Variants in TUT7 observed in about 807,000 individuals in gnomAD.
TUT7 encodes the protein terminal uridylyltransferase 7.
A neutral mutation model predicts 165.9 loss-of-function variants in TUT7; 33 were observed. The ratio of observed to expected loss-of-function variants is 0.20; its 90% confidence interval spans 0.15 to 0.27. The LOEUF (loss-of-function observed/expected upper bound fraction) is 0.27, where lower values mean the gene tolerates loss of function less well. TUT7 is among the 10% of genes least tolerant of loss of function. TUT7 has a pLI of 1.00. For missense variants in TUT7, 1,338 were observed against 1,762.3 expected (o/e 0.76, Z 4.31); for synonymous variants, 552 against 608.1 (o/e 0.91, Z 1.36).
At chr9:86,339,945 A>G in intron 8 of TUT7, 91 bp downstream of exon 8, 1 of 974,534 alleles carries the variant, frequency 1.0e-6, no homozygotes, top group Non-Finnish European at 1.6e-6. Flanking sequence ...AAAAGCTTAT[A>G]ATTCTAGAAA....
chr9:86,350,810 T>G (rs142114126), intron 2 of TUT7, among the ~76,000 whole-genome samples: 66 of 152,332 alleles, frequency 4.3e-4, no homozygotes, highest in African/African-American at 1.5e-3. Flanking sequence ...CTACTTGATA[T>G]TAATATATAC....
At chr9:86,325,540 A>T in intron 11 of TUT7, 26 bp from the exon 12 acceptor site, 1 of 1,580,640 alleles carries the variant, frequency 6.3e-7, no homozygotes, top group Non-Finnish European at 8.6e-7. Flanking sequence ...AGAAACATAC[A>T]GGTTATTTCA....
intron 18 of TUT7, 85 bp from the exon 19 acceptor site, chr9:86,310,102 G>A: frequency 8.7e-7 from 1 of 1,149,766 alleles, no homozygotes; most frequent in Non-Finnish European, 1.2e-6. Flanking sequence ...TTTAAATAAT[G>A]GAGATGGGAT....
chr9:86,309,083 A>G, intron 21 of TUT7, 129 bp downstream of exon 21: 1 of 604,238 alleles, frequency 1.7e-6, no homozygotes, highest in Non-Finnish European at 2.9e-6. Context: ...ATCTGAAAAC[A>G]CTATTTTTTT....
rs551497094 is a variant in TUT7, at chr9:86,320,843, T to G, written c.3029-1173A>C. The stretch of plus-strand genomic sequence containing the variant: ...GACTCTTCAGAAAATATCTTTCTTC[T>G]GGAAAAAAATGTCGCTCCCTTACCC... On this transcript the variant is annotated intron_variant, in intron 14 of 26. Transcript: ENST00000375963. Among the ~76,000 whole-genome samples the G allele has an allele frequency of 2.6e-5, 4 of 152,274 alleles. No individual in the cohort carries two copies. In the South Asian group the frequency reaches 8.3e-4, roughly 32 times the overall value.
At chr9:86,309,172 G>T in intron 21 of TUT7, 40 bp downstream of exon 21, 1 of 1,321,190 alleles carries the variant, frequency 7.6e-7, no homozygotes, top group Non-Finnish European at 1.1e-6. Flanking sequence ...CTAATTTTTA[G>T]TCAAGGATAT....
At chr9:86,296,328 TA>T (rs1826315786) in intron 26 of TUT7, among the ~76,000 whole-genome samples, 1 of 152,250 alleles carries the variant, frequency 6.6e-6, no homozygotes, top group Non-Finnish European at 1.5e-5. Flanking sequence ...TGTCTCACTC[TA>T]AAACTCATGT....
chr9:86,315,970 T>G (rs1330016362), intron 17 of TUT7, among the ~76,000 whole-genome samples: 1 of 152,166 alleles, frequency 6.6e-6, no homozygotes, highest in African/African-American at 2.4e-5. Context: ...GGTGTATATA[T>G]GTGTGTGTCT....
chr9:86,344,475 A>G (rs1831582422), intron 5 of TUT7, among the ~76,000 whole-genome samples: 1 of 152,200 alleles, frequency 6.6e-6, no homozygotes, highest in South Asian at 2.1e-4. Context: ...GAAGACAGAC[A>G]TAACTTGGAA....
intron 19 of TUT7, 21 bp from the exon 20 acceptor site, chr9:86,309,597 G>C (rs1827837131): frequency 1.3e-6 from 2 of 1,570,966 alleles, no homozygotes; most frequent in Non-Finnish European, 1.7e-6. Context: ...GGAAAACCAA[G>C]AACAAAGGAA....
chr9:86,319,652 A>C lies in TUT7; in HGVS notation c.3047T>G (p.Ile1016Ser). ...IQCYKDFSPT[I>S]IEDQAREHIR... ...ATGTTCACGAGCCTGATCTTCTATA[A>C]TTGTTGGAGAAAAATCCTCTGTTTA... Residue 1016 changes from isoleucine to serine, a missense_variant, in exon 15 of 27, where the codon ATT becomes AGT. Ile to Ser is a moderately radical substitution (Grantham distance 142). This residue lies in a region of TUT7 where 425 missense variants were observed against 474.9 expected (regional missense o/e 0.89). Transcript: ENST00000375963. 1 of 1,607,660 alleles carries C rather than the reference A, an allele frequency of 6.2e-7. No homozygotes were observed. The highest frequency in any genetic ancestry group is 1.1e-5 in the South Asian group (1 of 89,058).
intron 9 of TUT7, 144 bp from the exon 10 acceptor site, chr9:86,337,682 T>C: frequency 1.0e-6 from 1 of 989,536 alleles, no homozygotes; most frequent in Non-Finnish European, 1.5e-6. Context: ...TTACAAAATA[T>C]ACAACTTCCT....
At chr9:86,322,832 TAA>T in intron 13 of TUT7, 39 bp downstream of exon 13, 1 of 1,527,498 alleles carries the variant, frequency 6.5e-7, no homozygotes, top group Non-Finnish European at 8.7e-7. Context: ...TCAAAGTCCT[TAA>T]AGTCTCCTAG....
intron 5 of TUT7, among the ~76,000 whole-genome samples, chr9:86,343,592 T>C (rs1670633856): frequency 6.6e-6 from 1 of 152,208 alleles, no homozygotes; most frequent in Admixed American, 6.5e-5. Context: ...TCTTTTCACC[T>C]TTTAGAATGC....
chr9:86,288,680 T>G lies in TUT7; in HGVS notation c.4485A>C (p.Ser1495=), dbSNP rs775817053. The G allele has an allele frequency of 1.2e-6, 2 of 1,613,720 alleles. No homozygotes were observed. The highest frequency in any genetic ancestry group is 1.7e-6 in the Non-Finnish European group (2 of 1,179,704). Residue 1495 remains serine (S), a synonymous_variant, in exon 27 of 27, where the codon TCA becomes TCC. Transcript: ENST00000375963. ...KASAKRTQQE[S] ...AGAGTGCTGCATTTTCCTTCCCTCA[T>G]GATTCCTGCTGGGTCCTCTTCGCTG...
intron 10 of TUT7, among the ~76,000 whole-genome samples, chr9:86,332,076 C>T (rs765005506): frequency 2.8e-4 from 42 of 152,082 alleles, no homozygotes; most frequent in Non-Finnish European, 3.7e-4. Context: ...AGTCAGAATA[C>T]TATTAAAAAG....
rs1825657642 is a variant in TUT7 at position 86,287,967 on chromosome 9, C to G, written c.*710G>C. The G allele has an allele frequency of 6.6e-6, 1 of 152,160 alleles. No individual in the cohort carries two copies. Among genetic ancestry groups the G allele is most frequent in the Non-Finnish European group, 1.5e-5 (1 of 68,022 alleles). The allele number at this position is 152,160 out of a possible 1,614,324, so 9.4% of individuals were successfully genotyped here. A position where few individuals can be genotyped will look rare whatever the true frequency, so the allele number is the denominator to read the frequency against. On this transcript the variant is annotated 3_prime_UTR_variant, in exon 27 of 27. Coordinates refer to ENST00000375963, the MANE Select transcript of TUT7 (RefSeq NM_024617.4). The stretch of plus-strand genomic sequence containing the variant: ...TGAGTATCATAAAAAGTAAAAAGTA[C>G]TTTCATTTTATTTTTCCTTTGAAAA...
Position 86,335,983 on chromosome 9 carries a change from A to G in TUT7, c.1455+1436T>C, listed in dbSNP as rs1354492367. Among the ~76,000 whole-genome samples, 4 of 152,218 alleles carry G rather than the reference A, an allele frequency of 2.6e-5. No individual in the cohort carries two copies. The East Asian group carries it at 7.7e-4, about 29-fold the overall frequency. ...TAATATGCTGGCCATAGGAAAGGGTATCCATACTACCCTGAAGTATCCTTA... is the reference window on the plus strand; with the variant it reads ...TAATATGCTGGCCATAGGAAAGGGTGTCCATACTACCCTGAAGTATCCTTA... On this transcript the variant is annotated intron_variant, in intron 10 of 26. Coordinates refer to ENST00000375963, the MANE Select transcript of TUT7 (RefSeq NM_024617.4).
chr9:86,290,760 C>T (rs958172001), intron 26 of TUT7, among the ~76,000 whole-genome samples: 1 of 151,324 alleles, frequency 6.6e-6, no homozygotes, highest in Non-Finnish European at 1.5e-5. Flanking sequence ...ACTCGGAAGG[C>T]TGAGGCAGGA....
Sources: allele counts gnomAD v4.1 joint callset (sites outside exome capture counted in the v4.1 genomes callset), GRCh38; gene constraint gnomAD v4.1.1; regional missense constraint gnomAD v4.1.1; transcripts MANE v1.5; gene names NCBI Gene and HGNC (gene_info 2026-07-23, HGNC 2026-07-21).